The following FAM81A variants were observed in gnomAD, a reference collection of about 807,000 sequenced individuals.
FAM81A encodes family with sequence similarity 81 member A.
In FAM81A, 19 loss-of-function variants were observed where a neutral mutation model predicts 46.7. That is an observed-to-expected ratio of 0.41 (90% CI 0.28 to 0.60). FAM81A has a LOEUF of 0.60. Among genes scored for constraint, FAM81A ranks in the 20% least tolerant of loss-of-function variants. FAM81A has a pLI of 0.34. For synonymous variants in FAM81A, 183 were observed against 152.9 expected (o/e 1.20, Z -1.45); for missense variants, 377 against 453.5 (o/e 0.83, Z 1.53).
At chr15:59,444,883 A>T (rs1231664797) in intron 1 of FAM81A, among the ~76,000 whole-genome samples, 1 of 151,894 alleles carries the variant, frequency 6.6e-6, no homozygotes, top group African/African-American at 2.4e-5. Flanking sequence ...TCTTTTGTCG[A>T]CTCCTTCCAT....
At chr15:59,508,476 C>G (rs1267548863) in intron 5 of FAM81A, among the ~76,000 whole-genome samples, 1 of 152,052 alleles carries the variant, frequency 6.6e-6, no homozygotes, top group African/African-American at 2.4e-5. Flanking sequence ...AATCTGAGAC[C>G]TTGATGGATT....
chr15:59,477,136 AAAAC>A (rs2081782275), intron 3 of FAM81A, among the ~76,000 whole-genome samples: 1 of 151,884 alleles, frequency 6.6e-6, no homozygotes, highest in African/African-American at 2.4e-5. Flanking sequence ...AAAAAAAGCA[AAAAC>A]AAACAGAAAA....
At chr15:59,443,146 A>C (rs8034709) in intron 1 of FAM81A, among the ~76,000 whole-genome samples, 1 of 152,056 alleles carries the variant, frequency 6.6e-6, no homozygotes, top group Non-Finnish European at 1.5e-5. Flanking sequence ...GCAATGGCAC[A>C]ATCTCGGCTC....
At chr15:59,437,030 T>C (rs2081247875), upstream of FAM81A, among the ~76,000 whole-genome samples, 1 of 152,200 alleles carries the variant, frequency 6.6e-6, no homozygotes, top group South Asian at 2.1e-4. Context: ...TGAATGAATG[T>C]TACAGATGCG....
In FAM81A at chr15:59,460,211, G is replaced by A; in HGVS notation, c.294+5G>A. 6.2e-7 allele frequency: 1 copy of A among 1,614,028 alleles called. No homozygotes were observed. The highest frequency in any genetic ancestry group is 8.5e-7 in the Non-Finnish European group (1 of 1,179,896). On this transcript the variant is annotated splice_donor_5th_base_variant and intron_variant, in intron 3 of 8. Coordinates refer to ENST00000288228, the MANE Select transcript of FAM81A (RefSeq NM_152450.3). The surrounding 1 kb of genome is among the most constrained non-coding windows in gnomAD (Gnocchi z 4.4). ...CAACTTAATCGGGATATCGAGGTAA[G>A]GTTTGTGAAAGTCAGGTGGCCTATG... is the stretch of plus-strand genomic sequence containing the variant.
At chr15:59,428,429 T>C (rs2081204600) in intron 2 of FAM81A, among the ~76,000 whole-genome samples, 1 of 72,858 alleles carries the variant, frequency 1.4e-5, no homozygotes, top group South Asian at 3.6e-4. Flanking sequence ...TTATTATTAT[T>C]ATTATTATTA....
intron 4 of FAM81A, among the ~76,000 whole-genome samples, chr15:59,505,978 T>A (rs1386877890): frequency 6.6e-6 from 1 of 152,070 alleles, no homozygotes; most frequent in Admixed American, 6.6e-5. Context: ...TTGTTAGAAA[T>A]TCTGTCTTCC....
At position 59,521,354 on chromosome 15, in the gene FAM81A, G is replaced by A; in HGVS notation, c.1083G>A (p.Met361Ile). The A allele has an allele frequency of 6.2e-7, 1 of 1,612,208 alleles. No individual in the cohort carries two copies. Reference sequence around the variant, plus strand: ...AGCTACAGAAGCAAATCCAGCTGATGCAGAAGCCAGAGACCCCCATGTGAA... The same window carrying A: ...AGCTACAGAAGCAAATCCAGCTGATACAGAAGCCAGAGACCCCCATGTGAA... ...RDQLQKQIQL[M>I]QKPETPM Residue 361 changes from methionine to isoleucine, a missense_variant, in exon 9 of 9, where the codon ATG (methionine) becomes ATA (isoleucine). Physicochemically the swap from Met to Ile is conservative, Grantham distance 10. Transcript: ENST00000288228.
At chr15:59,519,829 G>A (rs181483713) in intron 8 of FAM81A, among the ~76,000 whole-genome samples, 2 of 152,178 alleles carry the variant, frequency 1.3e-5, no homozygotes, top group African/African-American at 4.8e-5. Context: ...CACTTCAGTT[G>A]TTTCCATATC....
intron 3 of FAM81A, among the ~76,000 whole-genome samples, chr15:59,484,618 A>G (rs2080693744): frequency 6.6e-6 from 1 of 152,218 alleles, no homozygotes; most frequent in South Asian, 2.1e-4. Context: ...ACCAGCAGTG[A>G]TAAGCAAGTA....
intron 2 of FAM81A, among the ~76,000 whole-genome samples, chr15:59,430,970 A>G (rs1478307515): frequency 6.6e-6 from 1 of 152,234 alleles, no homozygotes. Context: ...CTTGGGGGAC[A>G]TTAGTAAATA....
At chr15:59,429,378 T>C (rs190790722) in intron 2 of FAM81A, among the ~76,000 whole-genome samples, 31 of 152,318 alleles carry the variant, frequency 2.0e-4, no homozygotes, top group African/African-American at 6.3e-4. Context: ...CTTGTGCAAC[T>C]TTAGGAGTTT....
At chr15:59,498,343 A>G (rs945899168) in intron 4 of FAM81A, among the ~76,000 whole-genome samples, 2 of 152,182 alleles carry the variant, frequency 1.3e-5, no homozygotes, top group African/African-American at 2.4e-5. Flanking sequence ...TGCCACTTAG[A>G]TAAGTACAGT....
chr15:59,461,343 T>C (rs2081548920), intron 3 of FAM81A, among the ~76,000 whole-genome samples: 1 of 152,196 alleles, frequency 6.6e-6, no homozygotes. Flanking sequence ...TTGAATGCAG[T>C]TGTGCAATCA....
chr15:59,494,512 A>C (rs1275682334), intron 4 of FAM81A, among the ~76,000 whole-genome samples: 8 of 152,300 alleles, frequency 5.3e-5, no homozygotes, highest in African/African-American at 1.9e-4. Flanking sequence ...ACTTTCAGGA[A>C]TCTTATATTC....
At chr15:59,449,743 C>A (rs1314208578) in intron 1 of FAM81A, among the ~76,000 whole-genome samples, 1 of 140,694 alleles carries the variant, frequency 7.1e-6, no homozygotes, top group Non-Finnish European at 1.5e-5. Context: ...GATCGCGCCA[C>A]TGCACTCCAG....
At chr15:59,520,669 T>C (rs573417987) in intron 8 of FAM81A, among the ~76,000 whole-genome samples, 46 of 151,480 alleles carry the variant, frequency 3.0e-4, no homozygotes, top group African/African-American at 9.7e-4. Flanking sequence ...GTTCAAGCAA[T>C]TCTCCCTGCC....
rs536005982 is a variant in FAM81A, at chr15:59,425,201, C to T, written c.-78+22843C>T. ...GTAAGCTCCATGAGGGCATAGACCA[C>T]GCAATGACTACAGTGTCCCTGTGCC... is the stretch of plus-strand genomic sequence containing the variant. On this transcript the variant is annotated intron_variant, in intron 2 of 4. Transcript: ENST00000558348. Among the ~76,000 whole-genome samples the T allele has an allele frequency of 1.1e-3, 172 of 152,196 alleles. 1 individual carries two copies. The highest frequency in any genetic ancestry group is 1.9e-4 in the African/African-American group (8 of 41,530).
chr15:59,500,420 C>G (rs570184194), intron 4 of FAM81A, among the ~76,000 whole-genome samples: 28 of 152,162 alleles, frequency 1.8e-4, no homozygotes, highest in African/African-American at 6.3e-4. Context: ...ACTTTAGTCT[C>G]CTGAGTAGCT....
Sources: gnomAD v4.1 joint callset for allele counts (sites outside exome capture counted in the v4.1 genomes callset) on GRCh38, gnomAD v4.1.1 for gene constraint, Gnocchi (gnomAD v3.1) non-coding constraint, MANE v1.5 for transcripts, NCBI Gene and HGNC (gene_info 2026-07-23, HGNC 2026-07-21) for gene names.